The following PTPRD variants were observed in gnomAD, a reference collection of about 807,000 sequenced individuals.
PTPRD encodes protein tyrosine phosphatase receptor type D.
PTPRD carries 34 observed loss-of-function variants against 214.5 expected under a neutral mutation model. The ratio of observed to expected loss-of-function variants is 0.16; its 90% confidence interval spans 0.12 to 0.21. The LOEUF is 0.21. Ranked by LOEUF, PTPRD falls within the 10% of genes least tolerant of loss-of-function variation. The pLI is 1.00. For missense variants in PTPRD, 2,545 were observed against 2,398.7 expected, an observed-to-expected ratio of 1.06 and a Z score of -1.27; for synonymous variants, 1,128 against 845.7, an observed-to-expected ratio of 1.33 and a Z score of -5.79.
intron 4 of PTPRD, among the ~76,000 whole-genome samples, chr9:9,961,189 C>T (rs2094339587): frequency 6.6e-6 from 1 of 151,958 alleles, no homozygotes; most frequent in South Asian, 2.1e-4. Flanking sequence ...AAATATAGCT[C>T]ACAAGCAGAT....
At chr9:9,883,680 C>T (rs1485907799) in intron 5 of PTPRD, among the ~76,000 whole-genome samples, 4 of 152,128 alleles carry the variant, frequency 2.6e-5, no homozygotes, top group Admixed American at 6.6e-5. Flanking sequence ...CAACCACTGC[C>T]TCACATGTAC....
chr9:9,348,048 A>C (rs928194053), intron 9 of PTPRD, among the ~76,000 whole-genome samples: 1 of 152,178 alleles, frequency 6.6e-6, no homozygotes, highest in African/African-American at 2.4e-5. Flanking sequence ...CTTTGTTTAA[A>C]AAAGCAAAAT....
intron 3 of PTPRD, among the ~76,000 whole-genome samples, chr9:10,175,665 T>C (rs530077936): frequency 1.6e-4 from 24 of 152,032 alleles, no homozygotes; most frequent in Non-Finnish European, 3.5e-4. Context: ...AATATTAAAG[T>C]ATGTTGAAAT....
chr9:8,875,925 C>A (rs181221158), intron 11 of PTPRD, among the ~76,000 whole-genome samples: 3 of 152,170 alleles, frequency 2.0e-5, no homozygotes, highest in African/African-American at 7.2e-5. Context: ...TGGAAAAACA[C>A]ACACACAAAC....
chr9:9,321,532 G>A (rs1018760013), intron 9 of PTPRD, among the ~76,000 whole-genome samples: 2 of 132,982 alleles, frequency 1.5e-5, no homozygotes, highest in East Asian at 5.1e-4. Flanking sequence ...CCCAGCCTGG[G>A]CAACAAGAGC....
At chr9:8,998,424 G>C (rs748838289) in intron 11 of PTPRD, among the ~76,000 whole-genome samples, 2 of 151,962 alleles carry the variant, frequency 1.3e-5, no homozygotes, top group African/African-American at 4.8e-5. Flanking sequence ...GCCTGGATGA[G>C]AGCACATCTG....
At position 9,821,528 on chromosome 9, in the gene PTPRD, A is replaced by C. The variant is rs191010174; in HGVS notation, c.-367-54677T>G. Among the ~76,000 whole-genome samples the C allele has an allele frequency of 2.5e-4, 38 of 152,294 alleles. No homozygotes were observed. The East Asian group carries it at 6.4e-3, about 25-fold the overall frequency. On this transcript the variant is annotated intron_variant, in intron 5 of 45. Coordinates refer to ENST00000381196, the MANE Select transcript of PTPRD (RefSeq NM_002839.4). ...TGTCATGTTTTGTATAGAGAATCAGAGAGGCTGAAGAGAAAATATATAAGA... is the reference window on the plus strand; with the variant it reads ...TGTCATGTTTTGTATAGAGAATCAGCGAGGCTGAAGAGAAAATATATAAGA...
chr9:9,394,339 G>T (rs144651257), intron 9 of PTPRD, among the ~76,000 whole-genome samples: 1 of 152,102 alleles, frequency 6.6e-6, no homozygotes, highest in Non-Finnish European at 1.5e-5. Flanking sequence ...ATATTTTATT[G>T]CCTTTAGTGC....
intron 14 of PTPRD, among the ~76,000 whole-genome samples, chr9:8,627,783 T>G (rs183543012): frequency 5.0e-4 from 76 of 152,008 alleles, no homozygotes; most frequent in Non-Finnish European, 8.2e-4. Context: ...TCTCATAGAC[T>G]ATCCACATGG....
intron 35 of PTPRD, among the ~76,000 whole-genome samples, chr9:8,408,488 T>C (rs17561435): frequency 0.024 from 3,621 of 152,240 alleles, 75 homozygotes; most frequent in Non-Finnish European, 0.031. Flanking sequence ...CAGGCTTTCT[T>C]CAGTCTCCGT....
chr9:10,443,711 G>A (rs2098777666), intron 2 of PTPRD, among the ~76,000 whole-genome samples: 1 of 150,870 alleles, frequency 6.6e-6, no homozygotes, highest in Admixed American at 6.6e-5. Flanking sequence ...CTTTCCCTTA[G>A]GAATTCTCCT....
At chr9:9,387,710 C>G (rs185428683) in intron 9 of PTPRD, among the ~76,000 whole-genome samples, 182 of 152,246 alleles carry the variant, frequency 1.2e-3, no homozygotes, top group African/African-American at 4.3e-3. Flanking sequence ...GTTCCTTTGT[C>G]CCCCTCTCAG....
chr9:10,020,293 T>C (rs1300616710), intron 4 of PTPRD, among the ~76,000 whole-genome samples: 1 of 152,116 alleles, frequency 6.6e-6, no homozygotes, highest in Non-Finnish European at 1.5e-5. Flanking sequence ...CAATACAATA[T>C]TAGTTTCTTT....
At chr9:9,361,853 C>G (rs960951656) in intron 9 of PTPRD, among the ~76,000 whole-genome samples, 5 of 150,848 alleles carry the variant, frequency 3.3e-5, no homozygotes, top group African/African-American at 1.2e-4. Context: ...TTTATCAGGG[C>G]CTACCATGAA....
chr9:10,237,197 T>A (rs2099631810), intron 3 of PTPRD, among the ~76,000 whole-genome samples: 1 of 151,936 alleles, frequency 6.6e-6, no homozygotes, highest in South Asian at 2.1e-4. Flanking sequence ...GTATTGGGAA[T>A]CTTTGTACCA....
chr9:10,073,158 A>G (rs573821518), intron 3 of PTPRD, among the ~76,000 whole-genome samples: 135 of 152,192 alleles, frequency 8.9e-4, no homozygotes, highest in Non-Finnish European at 1.3e-3. Context: ...GATGAAGCCC[A>G]CAAGGTTTTA....
chr9:9,424,801 G>T (rs894068861), intron 8 of PTPRD, among the ~76,000 whole-genome samples: 3 of 152,006 alleles, frequency 2.0e-5, no homozygotes, highest in Admixed American at 2.0e-4. Flanking sequence ...CACTTCTACA[G>T]ACCAGCAAAA....
chr9:9,759,348 T>C (rs2098628732), intron 6 of PTPRD, among the ~76,000 whole-genome samples: 5 of 152,142 alleles, frequency 3.3e-5, no homozygotes, highest in Non-Finnish European at 7.4e-5. Flanking sequence ...CTGGTAGTCT[T>C]GGTCGCTCCT....
At chr9:9,873,895 ATACT>A (rs1486065913) in intron 5 of PTPRD, among the ~76,000 whole-genome samples, 2 of 152,170 alleles carry the variant, frequency 1.3e-5, no homozygotes, top group African/African-American at 4.8e-5. Flanking sequence ...AATGGGTTTT[ATACT>A]TACTAAAGTA....
Sources: gnomAD v4.1 joint callset for allele counts (sites outside exome capture counted in the v4.1 genomes callset) on GRCh38, gnomAD v4.1.1 for gene constraint, MANE v1.5 for transcripts, NCBI Gene and HGNC (gene_info 2026-07-23, HGNC 2026-07-21) for gene names.